The following PFKFB3 variants were observed in gnomAD, a reference collection of about 807,000 sequenced individuals.
The protein encoded by PFKFB3 is 6-phosphofructo-2-kinase/fructose-2,6-bisphosphatase 3.
Under a neutral mutation model 68.0 loss-of-function variants are expected in PFKFB3, and 33 were observed. That is an observed-to-expected ratio of 0.49 (90% confidence interval 0.37 to 0.65). PFKFB3 has a LOEUF of 0.65. Among genes scored for constraint, PFKFB3 ranks in the 30% least tolerant of loss-of-function variants. The pLI, the probability that PFKFB3 is intolerant of heterozygous loss-of-function variation, is 0.00. For synonymous variants in PFKFB3, 315 were observed against 288.2 expected (o/e 1.09, Z -0.94); for missense variants, 586 against 712.2 (o/e 0.82, Z 2.02).
At chr10:6,247,165 T>A (rs1165667604) in intron 14 of PFKFB3, among the ~76,000 whole-genome samples, 1 of 152,216 alleles carries the variant, frequency 6.6e-6, no homozygotes, top group Non-Finnish European at 1.5e-5. Context: ...CTCCTGGTAT[T>A]TGGATGTTAG....
downstream of PFKFB3, among the ~76,000 whole-genome samples, chr10:6,254,808 C>CTTTTTTTTTTTTTT (rs144888417): frequency 1.3e-4 from 8 of 61,636 alleles, 2 homozygotes; most frequent in Admixed American, 5.4e-4. Flanking sequence ...TTTTTCTGTT[C>CTTTTTTTTTTTTTT]TTTTTTTTTT....
Position 6,174,024 on chromosome 10 carries a change from C to T in PFKFB3, c.16+29011C>T, listed in dbSNP as rs1339277657. ...ACGGAAAGAACATAGATGATGTGTGCGGGAGTTGAGATTTGGGGATTGACC... is the reference window on the plus strand; with the variant it reads ...ACGGAAAGAACATAGATGATGTGTGTGGGAGTTGAGATTTGGGGATTGACC... On this transcript the variant is annotated intron_variant, in intron 1 of 14. Coordinates refer to the PFKFB3 transcript ENST00000379789. Among the ~76,000 whole-genome samples, 9 of 151,838 alleles carry T rather than the reference C, an allele frequency of 5.9e-5. No individual in the cohort carries two copies. The South Asian group carries it at 6.2e-4, about 11-fold the overall frequency.
chr10:6,223,916 C>T (rs373470141), intron 11 of PFKFB3, 42 bp from the exon 12 acceptor site: 27 of 1,573,292 alleles, frequency 1.7e-5, no homozygotes, highest in South Asian at 1.0e-4. Context: ...CACGCCTGGC[C>T]GTGTCTCATT....
chr10:6,211,930 T>G (rs1468589631), intron 1 of PFKFB3, among the ~76,000 whole-genome samples: 1 of 152,182 alleles, frequency 6.6e-6, no homozygotes, highest in Non-Finnish European at 1.5e-5. Flanking sequence ...ATCCTGGACA[T>G]TGACTTCAGT....
At chr10:6,218,925 AAG>A (rs1280154856) in intron 6 of PFKFB3, among the ~76,000 whole-genome samples, 1 of 152,216 alleles carries the variant, frequency 6.6e-6, no homozygotes, top group Non-Finnish European at 1.5e-5. Flanking sequence ...TGATGAGAAA[AAG>A]AGCCCAGGCA....
At chr10:6,219,730 A>G (rs775835514) in intron 7 of PFKFB3, 37 bp downstream of exon 7, 13 of 1,603,716 alleles carry the variant, frequency 8.1e-6, no homozygotes, top group Admixed American at 1.7e-5. Flanking sequence ...CAAGACCCAC[A>G]TGAGGGTTCT....
the PFKFB3 span, chr10:6,294,570 A>ACAC: frequency 5.9e-6 from 1 of 168,882 alleles, no homozygotes; most frequent in African/African-American, 2.4e-5. Flanking sequence ...GACACATGGG[A>ACAC]ATTACGGGAG....
chr10:6,297,349 G>A, the PFKFB3 span, among the ~76,000 whole-genome samples: 45 of 152,312 alleles, frequency 3.0e-4, no homozygotes, highest in African/African-American at 1.0e-3. Flanking sequence ...AGGACACAGG[G>A]ATGATGCTTG....
the PFKFB3 span, among the ~76,000 whole-genome samples, chr10:6,259,781 T>C: frequency 6.6e-6 from 1 of 152,238 alleles, no homozygotes; most frequent in Non-Finnish European, 1.5e-5. Flanking sequence ...CCTGCAGTTT[T>C]TGAGAATATA....
At chr10:6,194,769 A>G (rs1382264214) in intron 1 of PFKFB3, among the ~76,000 whole-genome samples, 1 of 152,146 alleles carries the variant, frequency 6.6e-6, no homozygotes, top group Non-Finnish European at 1.5e-5. Context: ...GTCCCTTTGC[A>G]CAGTTTGCCT....
the PFKFB3 span, among the ~76,000 whole-genome samples, chr10:6,277,284 A>G: frequency 3.3e-5 from 5 of 150,588 alleles, no homozygotes; most frequent in Admixed American, 1.3e-4. Context: ...CCCAGGCTGG[A>G]GTGCAGTGGC....
intron 1 of PFKFB3, among the ~76,000 whole-genome samples, chr10:6,160,500 C>T (rs1252901983): frequency 6.6e-6 from 1 of 152,102 alleles, no homozygotes; most frequent in Non-Finnish European, 1.5e-5. Flanking sequence ...GGCAGATGAC[C>T]TGAAGTCAGG....
At chr10:6,166,902 T>C (rs1259083184) in intron 1 of PFKFB3, among the ~76,000 whole-genome samples, 1 of 149,502 alleles carries the variant, frequency 6.7e-6, no homozygotes, top group African/African-American at 2.5e-5. Context: ...CGATCTCAGC[T>C]CACCGAAACC....
intron 1 of PFKFB3, among the ~76,000 whole-genome samples, chr10:6,168,932 A>G (rs921412617): frequency 4.6e-5 from 7 of 152,108 alleles, no homozygotes; most frequent in Non-Finnish European, 8.8e-5. Context: ...CTGCCCCCCG[A>G]AAAGTTATCT....
At chr10:6,267,042 A>G in the PFKFB3 span, among the ~76,000 whole-genome samples, 3 of 152,250 alleles carry the variant, frequency 2.0e-5, no homozygotes, top group Non-Finnish European at 4.4e-5. Context: ...GTTGTTTTTT[A>G]AAATTTGCTA....
the PFKFB3 span, among the ~76,000 whole-genome samples, chr10:6,275,073 G>A: frequency 6.6e-6 from 1 of 152,128 alleles, no homozygotes; most frequent in African/African-American, 2.4e-5. This position sits in a 1 kb window ranked among gnomAD's most constrained non-coding sequence, Gnocchi z 4.9. Flanking sequence ...GGACTTTTGG[G>A]GTCTGTGGTT....
chr10:6,260,708 G>A, the PFKFB3 span, among the ~76,000 whole-genome samples: 7 of 152,212 alleles, frequency 4.6e-5, no homozygotes, highest in South Asian at 1.4e-3. Context: ...CATACTTGCT[G>A]TTTCATTAGG....
the PFKFB3 span, among the ~76,000 whole-genome samples, chr10:6,295,793 T>C: frequency 6.6e-6 from 1 of 152,170 alleles, no homozygotes; most frequent in Non-Finnish European, 1.5e-5. Flanking sequence ...GAACAGTTAC[T>C]TTCCCCCTCC....
Position 6,220,865 on chromosome 10 carries a change from G to T in PFKFB3, c.831G>T (p.Lys277Asn). Residue 277 changes from lysine (K) to asparagine (N), a missense_variant and splice_region_variant, in exon 8 of 15, where the codon AAG becomes AAT. Coordinates refer to ENST00000379775, the MANE Select transcript of PFKFB3 (RefSeq NM_004566.4). This position sits in a 1 kb window ranked among gnomAD's most constrained non-coding sequence, Gnocchi z 4.1. ...GDSGLSSRGK[K>N]FASALSKFVE... The stretch of plus-strand genomic sequence containing the variant: ...CAGGCCTGTCCAGCCGGGGCAAGAA[G>T]GTGCGGGGTGTGCTGCCGCATGGGC... 1 of 1,610,192 alleles carries T rather than the reference G, an allele frequency of 6.2e-7. No homozygotes were observed.
Sources: gnomAD v4.1 joint callset for allele counts (sites outside exome capture counted in the v4.1 genomes callset) on GRCh38, gnomAD v4.1.1 for gene constraint, Gnocchi (gnomAD v3.1) non-coding constraint, MANE v1.5 for transcripts, NCBI Gene and HGNC (gene_info 2026-07-23, HGNC 2026-07-21) for gene names.